Variants in RNLS observed in about 807,000 individuals in gnomAD.
RNLS encodes renalase, FAD dependent amine oxidase.
RNLS carries 39 observed loss-of-function variants against 39.8 expected under a neutral mutation model. The ratio of observed to expected loss-of-function variants is 0.98; its 90% CI spans 0.76 to 1.28. The LOEUF (loss-of-function observed/expected upper bound fraction) is 1.28, where lower values mean the gene tolerates loss of function less well. Ranked by LOEUF, RNLS falls within the 50% of genes most tolerant of loss-of-function variation. The pLI is 0.00. For missense variants in RNLS, 410 were observed against 413.3 expected, an observed-to-expected ratio of 0.99 and a Z score of 0.07; for synonymous variants, 147 against 150.7, an observed-to-expected ratio of 0.98 and a Z score of 0.18.
intron 4 of RNLS, among the ~76,000 whole-genome samples, chr10:88,429,319 T>C: frequency 6.6e-6 from 1 of 152,016 alleles, no homozygotes; most frequent in East Asian, 1.9e-4. Context: ...AAAATCCATC[T>C]ATAACTTGAA....
intron 6 of RNLS, among the ~76,000 whole-genome samples, chr10:88,275,893 A>G (rs1842795135): frequency 6.6e-6 from 1 of 151,918 alleles, no homozygotes; most frequent in Non-Finnish European, 1.5e-5. Context: ...CATTAGAACA[A>G]CAACAAAAAA....
chr10:88,433,251 T>C (rs1855244603), intron 4 of RNLS, among the ~76,000 whole-genome samples: 1 of 152,022 alleles, frequency 6.6e-6, no homozygotes, highest in Non-Finnish European at 1.5e-5. Flanking sequence ...ATCTGTAAGG[T>C]GGAAGGTCCC....
intron 4 of RNLS, among the ~76,000 whole-genome samples, chr10:88,481,261 A>T (rs1844149175): frequency 6.6e-6 from 1 of 152,134 alleles, no homozygotes; most frequent in Non-Finnish European, 1.5e-5. Context: ...TTTAAAATCC[A>T]GTTTGTCAAC....
At chr10:88,361,665 A>T (rs74378451) in intron 5 of RNLS, among the ~76,000 whole-genome samples, 5 of 152,120 alleles carry the variant, frequency 3.3e-5, no homozygotes, top group Admixed American at 2.0e-4. Flanking sequence ...ACCATACTCC[A>T]GCCCAGTTCT....
At chr10:88,485,829 C>T (rs1359925658) in intron 4 of RNLS, among the ~76,000 whole-genome samples, 6 of 151,464 alleles carry the variant, frequency 4.0e-5, no homozygotes, top group Non-Finnish European at 7.4e-5. Flanking sequence ...CAGTACGCAC[C>T]GACTGAATGG....
intron 5 of RNLS, among the ~76,000 whole-genome samples, chr10:88,350,437 T>A (rs1400243122): frequency 6.6e-6 from 1 of 152,154 alleles, no homozygotes; most frequent in African/African-American, 2.4e-5. Flanking sequence ...TGTGTCCAAG[T>A]GTTCTCATTG....
At chr10:88,232,632 G>A in the RNLS span, among the ~76,000 whole-genome samples, 98 of 152,228 alleles carry the variant, frequency 6.4e-4, no homozygotes, top group Non-Finnish European at 7.6e-4. Context: ...TTTTTGTTGT[G>A]ACCTAGTTTA....
At chr10:88,271,622 G>A (rs918629892), downstream of RNLS, among the ~76,000 whole-genome samples, 1 of 152,186 alleles carries the variant, frequency 6.6e-6, no homozygotes, top group Non-Finnish European at 1.5e-5. Flanking sequence ...GGTTCTCAGA[G>A]AGCCTGGGAG....
At chr10:88,236,457 T>C in the RNLS span, among the ~76,000 whole-genome samples, 1 of 152,222 alleles carries the variant, frequency 6.6e-6, no homozygotes, top group Non-Finnish European at 1.5e-5. Flanking sequence ...AAAGAGGTTC[T>C]TCAACCTACA....
intron 6 of RNLS, among the ~76,000 whole-genome samples, chr10:88,303,318 A>G (rs1844670015): frequency 6.6e-6 from 1 of 152,194 alleles, no homozygotes; most frequent in Non-Finnish European, 1.5e-5. Context: ...ACTTGCTCCT[A>G]GGAGACTTTA....
chr10:88,476,417 G>C (rs936996353), intron 4 of RNLS, among the ~76,000 whole-genome samples: 1 of 152,014 alleles, frequency 6.6e-6, no homozygotes, highest in African/African-American at 2.4e-5. Flanking sequence ...GATGGGCACT[G>C]GTCCATGGAC....
chr10:88,254,237 C>T, the RNLS span, among the ~76,000 whole-genome samples: 2 of 152,210 alleles, frequency 1.3e-5, no homozygotes, highest in Non-Finnish European at 1.5e-5. Context: ...TGAAGCGAGC[C>T]CCCAGGGCCA....
chr10:88,411,770 T>G (rs1302245015), intron 4 of RNLS, among the ~76,000 whole-genome samples: 1 of 152,124 alleles, frequency 6.6e-6, no homozygotes, highest in Admixed American at 6.6e-5. Context: ...GAGATCTAAC[T>G]CTGTCTGTTT....
At chr10:88,528,338 T>G (rs1321711086) in intron 4 of RNLS, among the ~76,000 whole-genome samples, 1 of 152,058 alleles carries the variant, frequency 6.6e-6, no homozygotes, top group African/African-American at 2.4e-5. Flanking sequence ...ACAACTCAAG[T>G]AGGAGAAAGA....
At chr10:88,203,296 G>A in the RNLS span, among the ~76,000 whole-genome samples, 19 of 2,738 alleles carry the variant, frequency 6.9e-3, 2 homozygotes, top group Non-Finnish European at 0.01. Flanking sequence ...ATATACGTAT[G>A]TATATATATA....
the RNLS span, among the ~76,000 whole-genome samples, chr10:88,225,906 C>T: frequency 6.6e-5 from 10 of 151,272 alleles, 1 homozygote; most frequent in South Asian, 1.9e-3. Context: ...ATATTTACAT[C>T]AGTGTCCTAT....
At position 88,582,839 on chromosome 10, in the gene RNLS, GGCCCCCACCCTC is replaced by G. The variant is rs573949788; in HGVS notation, c.118+222_118+233del. On this transcript the variant is annotated intron_variant, in intron 1 of 6. Transcript: ENST00000331772. ...TGTAGAGCGCGGGGTACTCCTGCCG[GGCCCCCACCCTC>G]GCCCCCACCCTCGCCCCTTCTTGGG... Among the ~76,000 whole-genome samples, 1,356 of 152,286 alleles carry G rather than the reference GGCCCCCACCCTC, an allele frequency of 8.9e-3. 19 individuals are homozygous for G. The highest frequency in any genetic ancestry group is 0.026 in the African/African-American group (1,069 of 41,560).
At chr10:88,361,790 T>C (rs959208308) in intron 5 of RNLS, among the ~76,000 whole-genome samples, 1 of 152,186 alleles carries the variant, frequency 6.6e-6, no homozygotes, top group Non-Finnish European at 1.5e-5. Context: ...TGTAACAGAT[T>C]GACAGGACAA....
chr10:88,501,273 AT>A (rs1315827495), intron 4 of RNLS, among the ~76,000 whole-genome samples: 2 of 152,168 alleles, frequency 1.3e-5, no homozygotes, highest in Non-Finnish European at 1.5e-5. Flanking sequence ...ACCTTTAATA[AT>A]TTAGTCATTA....
Sources: gnomAD v4.1 joint callset for allele counts (sites outside exome capture counted in the v4.1 genomes callset) on GRCh38, gnomAD v4.1.1 for gene constraint, MANE v1.5 for transcripts, NCBI Gene and HGNC (gene_info 2026-07-23, HGNC 2026-07-21) for gene names.